TRIT1: variants seen among roughly 807,000 people sequenced by gnomAD.
The protein encoded by TRIT1 is tRNA isopentenyltransferase 1, also known as tRNA dimethylallyltransferase.
A neutral mutation model predicts 51.2 loss-of-function variants in TRIT1; 43 were observed. That is an observed-to-expected ratio of 0.84 (90% confidence interval 0.66 to 1.08). The LOEUF is 1.08. TRIT1 is among the 50% of genes least tolerant of loss of function. The probability of loss-of-function intolerance (pLI) is 0.00; values close to 1 mark genes in which losing one functional copy is unlikely to be tolerated. For missense variants in TRIT1, 528 were observed against 578.4 expected, an observed-to-expected ratio of 0.91 and a Z score of 0.89; for synonymous variants, 184 against 203.9, an observed-to-expected ratio of 0.90 and a Z score of 0.83.
At chr1:39,852,595 ACCTG>A in intron 4 of TRIT1, 132 bp downstream of exon 4, 1 of 1,107,046 alleles carries the variant, frequency 9.0e-7, no homozygotes, top group Non-Finnish European at 1.3e-6. Flanking sequence ...GGGCCTCCCA[ACCTG>A]CTGAGCTAGA....
At chr1:39,870,003 G>T (rs1332393646) in intron 1 of TRIT1, among the ~76,000 whole-genome samples, 1 of 152,222 alleles carries the variant, frequency 6.6e-6, no homozygotes, top group African/African-American at 2.4e-5. Flanking sequence ...CACCCCGTCT[G>T]GGAGGTGTAC....
rs1484489073 is a variant in TRIT1, at chr1:39,839,939, C to T, written c.*1805G>A. Among the ~76,000 whole-genome samples the T allele has an allele frequency of 2.0e-5, 3 of 152,170 alleles. No homozygotes were observed. Among genetic ancestry groups the T allele is most frequent in the Non-Finnish European group, 4.4e-5 (3 of 68,042 alleles). On this transcript the variant is annotated 3_prime_UTR_variant, in exon 11 of 11. Transcript: ENST00000316891. ...TTGAACGAAGAATATTTCAGAGAAA[C>T]TAAAGGTTCTTCCCTACAAACTGCC...
intron 1 of TRIT1, among the ~76,000 whole-genome samples, chr1:39,870,673 G>C (rs76740045): frequency 0.022 from 3,226 of 149,238 alleles, 67 homozygotes; most frequent in East Asian, 0.11. Flanking sequence ...AGATACAGAA[G>C]AACACGAATT....
At chr1:39,859,591 AAAAGAAAG>A (rs534826088) in intron 1 of TRIT1, among the ~76,000 whole-genome samples, 2 of 151,914 alleles carry the variant, frequency 1.3e-5, no homozygotes, top group African/African-American at 4.8e-5. Context: ...TCAAAAAAAA[AAAAGAAAG>A]AAAGAAAGAA....
intron 1 of TRIT1, among the ~76,000 whole-genome samples, chr1:39,869,076 TCTCCCTCTCCCCCTCCCC>T (rs1356060107): frequency 1.3e-5 from 2 of 151,486 alleles, no homozygotes; most frequent in African/African-American, 2.4e-5. Flanking sequence ...AAGCTCTCCC[TCTCCCTCTCCCCCTCCCC>T]CTCCCTCTCC....
At chr1:39,862,586 C>CA (rs1408163219) in intron 1 of TRIT1, among the ~76,000 whole-genome samples, 1 of 152,116 alleles carries the variant, frequency 6.6e-6, no homozygotes, top group East Asian at 1.9e-4. Flanking sequence ...AGTTAAGAAG[C>CA]AAAAACACAA....
chr1:39,876,556 C>CTATCTA (rs1484276223), intron 1 of TRIT1, among the ~76,000 whole-genome samples: 4 of 141,318 alleles, frequency 2.8e-5, no homozygotes, highest in Admixed American at 6.8e-5. Context: ...ATCTATCTAT[C>CTATCTA]TATATATATA....
At chr1:39,846,565 G>A (rs1046939937) in intron 8 of TRIT1, among the ~76,000 whole-genome samples, 2 of 152,166 alleles carry the variant, frequency 1.3e-5, no homozygotes, top group African/African-American at 4.8e-5. Flanking sequence ...ATCTACTGCC[G>A]ACTAGCTGGG....
intron 4 of TRIT1, among the ~76,000 whole-genome samples, chr1:39,850,711 A>T (rs566739316): frequency 3.9e-5 from 6 of 152,324 alleles, no homozygotes; most frequent in African/African-American, 1.2e-4. Context: ...CTTCTACACA[A>T]ACAGAATGGT....
rs1557520260 is a variant in TRIT1, at chr1:39,839,517, T to C, written c.*2227A>G. On this transcript the variant is annotated 3_prime_UTR_variant, in exon 11 of 11. Transcript: ENST00000316891. ...CTACACTCAACAGCGAAGTCATTCA[T>C]AGGGGAGCAGGCACAAAAGGGGAAA... 6.6e-6 allele frequency among the ~76,000 whole-genome samples: 1 copy of C among 152,134 alleles called. No individual in the cohort carries two copies. The highest frequency in any genetic ancestry group is 1.5e-5 in the Non-Finnish European group (1 of 68,010).
intron 8 of TRIT1, among the ~76,000 whole-genome samples, chr1:39,845,775 T>C (rs887863181): frequency 3.3e-5 from 5 of 152,194 alleles, no homozygotes; most frequent in Middle Eastern, 6.8e-3. Flanking sequence ...GGTGGGGAAG[T>C]CCCCCTGGCT....
At chr1:39,857,182 C>A in intron 2 of TRIT1, 95 bp downstream of exon 2, 2 of 1,453,334 alleles carry the variant, frequency 1.4e-6, no homozygotes, top group Non-Finnish European at 1.8e-6. Flanking sequence ...TTGGGTGCCC[C>A]TTCTGAGAAG....
In TRIT1 at chr1:39,876,665, G is replaced by A. The variant is rs140853602; in HGVS notation, c.174+6653C>T. Among the ~76,000 whole-genome samples the A allele has an allele frequency of 2.4e-4, 36 of 151,916 alleles. No individual in the cohort carries two copies. The East Asian group carries it at 3.3e-3, about 14-fold the overall frequency. ...CCTTTGGCTGGGTGCAGTGGCTCAC[G>A]CTTGTAATCACAGCACTTTGAGAGG... On this transcript the variant is annotated intron_variant, in intron 1 of 10. Transcript: ENST00000316891.
chr1:39,879,129 C>T (rs918108920), intron 1 of TRIT1, among the ~76,000 whole-genome samples: 1 of 152,004 alleles, frequency 6.6e-6, no homozygotes, highest in African/African-American at 2.4e-5. Flanking sequence ...ATTAGCCAGG[C>T]GTGGTGGCAC....
At chr1:39,852,923 G>A (rs186513633) in intron 3 of TRIT1, 47 bp from the exon 4 acceptor site, 25 of 1,586,708 alleles carry the variant, frequency 1.6e-5, no homozygotes, top group Non-Finnish European at 1.9e-5. Context: ...CCAACACTGA[G>A]ACAGTGTATG....
Position 39,850,162 on chromosome 1 carries a change from C to T in TRIT1, c.660G>A (p.Lys220=), listed in dbSNP as rs143950082. 21 of 1,614,068 alleles carry T rather than the reference C, an allele frequency of 1.3e-5. No individual in the cohort carries two copies. The African/African-American group carries it at 2.5e-4, about 19-fold the overall frequency. ...GCCAAAGGATGCAAGGGTTAGAGAACTTCAGAGGACCTCCAAGGGGACCAC... is the reference window on the plus strand; with the variant it reads ...GCCAAAGGATGCAAGGGTTAGAGAATTTCAGAGGACCTCCAAGGGGACCAC... ...EGGGPLGGPL[K]FSNPCILWLH... is the part of the protein sequence containing the mutation. The change falls in exon 5 of 11, where the codon AAG becomes AAA. Residue 220 remains lysine (K), a synonymous_variant. Coordinates refer to ENST00000316891, the MANE Select transcript of TRIT1 (RefSeq NM_017646.6).
chr1:39,845,131 C>G (rs1403518403), intron 8 of TRIT1, among the ~76,000 whole-genome samples: 1 of 152,226 alleles, frequency 6.6e-6, no homozygotes, highest in African/African-American at 2.4e-5. Flanking sequence ...AAAGCATGGG[C>G]TGGGAACAGA....
intron 1 of TRIT1, among the ~76,000 whole-genome samples, chr1:39,872,780 C>CACACACACACACACACAG (rs796230029): frequency 7.4e-4 from 79 of 106,164 alleles, no homozygotes; most frequent in African/African-American, 2.7e-3. Flanking sequence ...CACACACACA[C>CACACACACACACACACAG]AGAGAGAGAG....
intron 4 of TRIT1, among the ~76,000 whole-genome samples, chr1:39,850,696 G>C (rs2124599559): frequency 6.6e-6 from 1 of 152,190 alleles, no homozygotes; most frequent in South Asian, 2.1e-4. Flanking sequence ...AGAAACAACA[G>C]GTTTCTTCTA....
Sources: gnomAD v4.1 joint callset for allele counts (sites outside exome capture counted in the v4.1 genomes callset) on GRCh38, gnomAD v4.1.1 for gene constraint, MANE v1.5 for transcripts, NCBI Gene and HGNC (gene_info 2026-07-23, HGNC 2026-07-21) for gene names.